Variants in VPS8 observed in about 807,000 individuals in gnomAD.
The protein encoded by VPS8 is vacuolar protein sorting-associated protein 8 homolog.
Under a neutral mutation model 216.4 loss-of-function variants are expected in VPS8, and 129 were observed. That is an observed-to-expected ratio of 0.60 (90% CI 0.52 to 0.69). The LOEUF is 0.69. VPS8 is among the 30% of genes least tolerant of loss of function. The pLI is 0.00. For missense variants in VPS8, 1,531 were observed against 1,683.5 expected, an observed-to-expected ratio of 0.91 and a Z score of 1.59; for synonymous variants, 571 against 565.4, an observed-to-expected ratio of 1.01 and a Z score of -0.14.
intron 36 of VPS8, among the ~76,000 whole-genome samples, chr3:184,940,567 G>T (rs1389690831): frequency 6.6e-6 from 1 of 152,096 alleles, no homozygotes; most frequent in Non-Finnish European, 1.5e-5. Flanking sequence ...TTTCACTCTT[G>T]CCTACTCCTA....
At chr3:184,829,266 T>A (rs1198841426) in intron 3 of VPS8, among the ~76,000 whole-genome samples, 1 of 152,152 alleles carries the variant, frequency 6.6e-6, no homozygotes. Flanking sequence ...CAGGCTGGAG[T>A]GCAGTGGCGC....
intron 45 of VPS8, among the ~76,000 whole-genome samples, chr3:185,010,552 A>C (rs1197909479): frequency 6.6e-6 from 1 of 152,222 alleles, no homozygotes; most frequent in African/African-American, 2.4e-5. Context: ...AGTTACAAAG[A>C]ACCAGTAGAA....
intron 22 of VPS8, among the ~76,000 whole-genome samples, chr3:184,886,636 A>G (rs865778189): frequency 4.0e-4 from 61 of 151,528 alleles, no homozygotes; most frequent in African/African-American, 1.2e-3. Context: ...CTGGAGTGCA[A>G]TGGTGCGATC....
At chr3:184,971,415 C>T (rs1395141663) in intron 39 of VPS8, among the ~76,000 whole-genome samples, 2 of 152,100 alleles carry the variant, frequency 1.3e-5, no homozygotes, top group Non-Finnish European at 2.9e-5. Flanking sequence ...TATTGAAATG[C>T]TAAGTGTGAT....
intron 1 of VPS8, among the ~76,000 whole-genome samples, chr3:184,818,177 C>A (rs948989218): frequency 1.3e-5 from 2 of 152,076 alleles, no homozygotes; most frequent in Non-Finnish European, 2.9e-5. Flanking sequence ...CGTGTGATAT[C>A]TGGAGTCACA....
In VPS8 at chr3:184,854,098, T is replaced by G; in HGVS notation, c.976-16T>G. The G allele has an allele frequency of 6.2e-7, 1 of 1,613,616 alleles. No individual in the cohort carries two copies. The highest frequency in any genetic ancestry group is 1.3e-5 in the African/African-American group (1 of 75,040). ...AATTCCAAGGTCAATATTGAAAACATATTTTTCTCTTACAGATACTGGTCA... is the reference window on the plus strand; with the variant it reads ...AATTCCAAGGTCAATATTGAAAACAGATTTTTCTCTTACAGATACTGGTCA... On this transcript the variant is annotated splice_polypyrimidine_tract_variant and intron_variant, in intron 12 of 47. Transcript: ENST00000625842.
chr3:184,979,978 G>T (rs1049129288), intron 40 of VPS8, among the ~76,000 whole-genome samples: 1 of 152,172 alleles, frequency 6.6e-6, no homozygotes, highest in African/African-American at 2.4e-5. Context: ...CCTCTTGTAA[G>T]ACATGTCTGG....
chr3:184,895,442 C>T (rs1327826252), intron 23 of VPS8, among the ~76,000 whole-genome samples: 2 of 151,992 alleles, frequency 1.3e-5, no homozygotes, highest in South Asian at 2.1e-4. Flanking sequence ...CATGAATAGC[C>T]AGCCATTGTT....
At chr3:185,004,484 G>C (rs1753949369) in intron 45 of VPS8, among the ~76,000 whole-genome samples, 1 of 152,092 alleles carries the variant, frequency 6.6e-6, no homozygotes, top group Non-Finnish European at 1.5e-5. Context: ...GAGAGGGAGA[G>C]GGAGACCGTG....
At chr3:185,035,325 A>G (rs1304228388) in intron 46 of VPS8, among the ~76,000 whole-genome samples, 1 of 152,198 alleles carries the variant, frequency 6.6e-6, no homozygotes, top group Non-Finnish European at 1.5e-5. Context: ...CTTCAGGCCA[A>G]TATCCCTGAT....
chr3:185,025,348 T>C (rs1757198316), intron 46 of VPS8, among the ~76,000 whole-genome samples: 2 of 152,236 alleles, frequency 1.3e-5, no homozygotes, highest in Non-Finnish European at 1.5e-5. Context: ...GTCGAAGTGT[T>C]TCTTTCCCTT....
At chr3:184,989,834 A>G (rs538844688) in intron 42 of VPS8, among the ~76,000 whole-genome samples, 1 of 152,168 alleles carries the variant, frequency 6.6e-6, no homozygotes, top group African/African-American at 2.4e-5. Context: ...GCACTTTGGG[A>G]GGCCGAGGCG....
At chr3:185,041,951 G>A (rs1711741704) in intron 46 of VPS8, among the ~76,000 whole-genome samples, 1 of 152,164 alleles carries the variant, frequency 6.6e-6, no homozygotes, top group African/African-American at 2.4e-5. Flanking sequence ...CAGAAGGGAA[G>A]GAGGAGGAGA....
chr3:184,927,557 T>A (rs1694049518), intron 31 of VPS8, among the ~76,000 whole-genome samples: 1 of 152,172 alleles, frequency 6.6e-6, no homozygotes, highest in Non-Finnish European at 1.5e-5. Context: ...AGCTCCAATA[T>A]TTTTGTTTGC....
chr3:185,015,276 G>A (rs1056997605), intron 45 of VPS8, among the ~76,000 whole-genome samples: 2 of 152,208 alleles, frequency 1.3e-5, no homozygotes, highest in African/African-American at 2.4e-5. Context: ...AGAAAGAGGT[G>A]TATGAGCCCT....
chr3:184,832,494 TG>T (rs1386342951), intron 3 of VPS8, among the ~76,000 whole-genome samples, 194 bp from the exon 4 acceptor site: 1 of 152,192 alleles, frequency 6.6e-6, no homozygotes, highest in Admixed American at 6.5e-5. Context: ...GTGACTTCTT[TG>T]TAGAGAGAAA....
chr3:184,874,606 A>G (rs945939080), intron 21 of VPS8, among the ~76,000 whole-genome samples: 8 of 152,060 alleles, frequency 5.3e-5, no homozygotes, highest in Non-Finnish European at 7.4e-5. Flanking sequence ...GGGAAGATCT[A>G]GGTGGACAGG....
chr3:184,849,719 AGGGAGAAGT>A, intron 9 of VPS8: 1 of 536,524 alleles, frequency 1.9e-6, no homozygotes, highest in Non-Finnish European at 3.3e-6. Flanking sequence ...TAAAATCTAA[AGGGAGAAGT>A]AGGATGGGCA....
At chr3:185,013,089 A>G (rs1374221117) in intron 45 of VPS8, among the ~76,000 whole-genome samples, 2 of 152,306 alleles carry the variant, frequency 1.3e-5, no homozygotes, top group East Asian at 1.9e-4. Context: ...CACTCATGCT[A>G]TTGTTTGGGG....
Sources: allele counts gnomAD v4.1 joint callset (sites outside exome capture counted in the v4.1 genomes callset), GRCh38; gene constraint gnomAD v4.1.1; transcripts MANE v1.5; gene names NCBI Gene and HGNC (gene_info 2026-07-23, HGNC 2026-07-21).